TAFA1: variants seen among roughly 807,000 people sequenced by gnomAD.
The protein encoded by TAFA1 is TAFA chemokine like family member 1.
In TAFA1, 4 loss-of-function variants were observed where a neutral mutation model predicts 18.5. The ratio of observed to expected loss-of-function variants is 0.22; its 90% CI spans 0.11 to 0.49. The LOEUF is 0.49. Among genes scored for constraint, TAFA1 ranks in the 20% least tolerant of loss-of-function variants. The pLI is 0.98. For synonymous variants in TAFA1, 56 were observed against 55.2 expected (o/e 1.01, Z -0.06); for missense variants, 147 against 169.0 (o/e 0.87, Z 0.72).
chr3:68,255,753 C>T (rs973222461), intron 2 of TAFA1, among the ~76,000 whole-genome samples: 31 of 152,034 alleles, frequency 2.0e-4, no homozygotes, highest in African/African-American at 7.2e-4. Flanking sequence ...GATTTTCTGT[C>T]TTCTGAAGAT....
rs553774736 is a variant in TAFA1, at chr3:68,149,765, C to A, written c.118+143021C>A. 2.6e-5 allele frequency among the ~76,000 whole-genome samples: 4 copies of A among 152,274 alleles called. No individual in the cohort carries two copies. In the East Asian group the frequency reaches 7.7e-4, roughly 29 times the overall value. Reference sequence around the variant, plus strand: ...GGGAGGACAAACTTCAAAACTTTAGCAGAGTCTTAAGAAACTTACCTCAGG... The same window carrying A: ...GGGAGGACAAACTTCAAAACTTTAGAAGAGTCTTAAGAAACTTACCTCAGG... On this transcript the variant is annotated intron_variant, in intron 2 of 4. Transcript: ENST00000478136.
chr3:68,144,923 A>G (rs1044966194), intron 2 of TAFA1: 28 of 733,098 alleles, frequency 3.8e-5, no homozygotes, highest in Non-Finnish European at 6.4e-5. Flanking sequence ...GTCATATCTT[A>G]GAGAGTTGTT....
intron 3 of TAFA1, among the ~76,000 whole-genome samples, chr3:68,444,699 A>C (rs1171779609): frequency 6.6e-6 from 1 of 150,814 alleles, no homozygotes; most frequent in Non-Finnish European, 1.5e-5. Context: ...TGGGAGGCCA[A>C]GTCAGGAGTA....
chr3:68,483,491 T>G (rs530852090), intron 3 of TAFA1, among the ~76,000 whole-genome samples: 12 of 152,332 alleles, frequency 7.9e-5, no homozygotes, highest in Non-Finnish European at 1.6e-4. Flanking sequence ...AGAAGTTATA[T>G]TTAGCTTACC....
At chr3:68,161,763 G>A (rs937208100) in intron 2 of TAFA1, among the ~76,000 whole-genome samples, 1 of 151,974 alleles carries the variant, frequency 6.6e-6, no homozygotes, top group Non-Finnish European at 1.5e-5. Context: ...CCTCAAGCTG[G>A]GCCTTGTTTA....
chr3:68,501,398 T>C (rs568719053), intron 3 of TAFA1, among the ~76,000 whole-genome samples: 2 of 152,146 alleles, frequency 1.3e-5, no homozygotes, highest in African/African-American at 2.4e-5. Context: ...CCACGGAATA[T>C]GCAAAGCAAT....
chr3:68,493,047 A>G (rs1183546516), intron 3 of TAFA1, among the ~76,000 whole-genome samples: 3 of 152,198 alleles, frequency 2.0e-5, no homozygotes, highest in African/African-American at 7.2e-5. Flanking sequence ...TGTACAGTTT[A>G]GTAGCATTAA....
intron 2 of TAFA1, among the ~76,000 whole-genome samples, chr3:68,120,242 T>TTTC (rs1177115824): frequency 7.8e-6 from 1 of 128,450 alleles, no homozygotes; most frequent in Non-Finnish European, 1.6e-5. Flanking sequence ...TCTTTCTTTC[T>TTTC]TTCTTTCTTT....
At chr3:68,085,764 G>T (rs371410372) in intron 2 of TAFA1, among the ~76,000 whole-genome samples, 13 of 152,190 alleles carry the variant, frequency 8.5e-5, no homozygotes, top group East Asian at 5.8e-4. Context: ...AGTAGGGAAA[G>T]GATATTCTTT....
At chr3:68,415,608 A>C (rs142998900) in intron 2 of TAFA1, among the ~76,000 whole-genome samples, 2 of 152,142 alleles carry the variant, frequency 1.3e-5, no homozygotes, top group African/African-American at 2.4e-5. Flanking sequence ...ATATAAATTT[A>C]TACCTTTGTT....
At chr3:68,228,286 C>A (rs1359933994) in intron 2 of TAFA1, among the ~76,000 whole-genome samples, 1 of 152,012 alleles carries the variant, frequency 6.6e-6, no homozygotes, top group Non-Finnish European at 1.5e-5. Context: ...CTATGCTGCC[C>A]AGGCTGGAGT....
chr3:68,404,106 T>C (rs2070548595), intron 2 of TAFA1, among the ~76,000 whole-genome samples: 1 of 152,198 alleles, frequency 6.6e-6, no homozygotes, highest in Admixed American at 6.6e-5. Context: ...ATGAAAGTAT[T>C]ATAGTACTAT....
intron 2 of TAFA1, among the ~76,000 whole-genome samples, chr3:68,286,994 T>TG (rs1204902729): frequency 1.3e-5 from 2 of 152,078 alleles, no homozygotes; most frequent in Admixed American, 1.3e-4. Flanking sequence ...ACAGCAGTTG[T>TG]GGGGCCCCCG....
intron 2 of TAFA1, among the ~76,000 whole-genome samples, chr3:68,136,754 T>C (rs961731249): frequency 1.3e-5 from 2 of 152,166 alleles, no homozygotes; most frequent in Non-Finnish European, 2.9e-5. Flanking sequence ...CTTCCATGGA[T>C]ATGGGTCAAA....
chr3:68,273,866 C>T lies in TAFA1; in HGVS notation c.119-143414C>T, dbSNP rs182497204. Among the ~76,000 whole-genome samples the T allele has an allele frequency of 5.2e-4, 79 of 152,194 alleles. 1 individual carries two copies. In the East Asian group the frequency reaches 8.3e-3, roughly 16 times the overall value. On this transcript the variant is annotated intron_variant, in intron 2 of 4. Coordinates refer to ENST00000478136, the MANE Select transcript of TAFA1 (RefSeq NM_213609.4). ...ATCCCTAGGACTCAGTTTCACTGTCCGTAACATGAGCAGGTACAACACAAT... is the reference window on the plus strand; with the variant it reads ...ATCCCTAGGACTCAGTTTCACTGTCTGTAACATGAGCAGGTACAACACAAT...
intron 2 of TAFA1, among the ~76,000 whole-genome samples, chr3:68,135,239 C>T (rs767836790): frequency 1.3e-5 from 2 of 152,134 alleles, no homozygotes; most frequent in Admixed American, 6.5e-5. Flanking sequence ...CACATTGCCA[C>T]CTGTTAGTAA....
At chr3:68,300,823 T>G (rs575668413) in intron 2 of TAFA1, among the ~76,000 whole-genome samples, 1 of 152,292 alleles carries the variant, frequency 6.6e-6, no homozygotes, top group Admixed American at 6.5e-5. Flanking sequence ...TCCTCCTGCA[T>G]TCATTTCCCT....
At chr3:68,282,180 C>T (rs762163699) in intron 2 of TAFA1, among the ~76,000 whole-genome samples, 1 of 152,246 alleles carries the variant, frequency 6.6e-6, no homozygotes, top group Non-Finnish European at 1.5e-5. Context: ...CAATTACGTC[C>T]CATTGGGTCC....
intron 3 of TAFA1, among the ~76,000 whole-genome samples, chr3:68,488,247 T>C (rs1427172673): frequency 6.6e-6 from 1 of 152,168 alleles, no homozygotes; most frequent in Non-Finnish European, 1.5e-5. Context: ...TGGAGTCCGA[T>C]GTTCAAGGGC....
Sources: allele counts gnomAD v4.1 joint callset (sites outside exome capture counted in the v4.1 genomes callset), GRCh38; gene constraint gnomAD v4.1.1; transcripts MANE v1.5; gene names NCBI Gene and HGNC (gene_info 2026-07-23, HGNC 2026-07-21).